Variants in PPP2R5C observed in about 807,000 individuals in gnomAD.
PPP2R5C encodes the protein serine/threonine-protein phosphatase 2A 56 kDa regulatory subunit gamma isoform.
PPP2R5C carries 7 observed loss-of-function variants against 68.9 expected under a neutral mutation model. The ratio of observed to expected loss-of-function variants is 0.10; its 90% CI spans 0.06 to 0.19. PPP2R5C has a LOEUF of 0.19. Among genes scored for constraint, PPP2R5C ranks in the 10% least tolerant of loss-of-function variants. The probability of loss-of-function intolerance (pLI) is 1.00; values close to 1 mark genes in which losing one functional copy is unlikely to be tolerated. For synonymous variants in PPP2R5C, 210 were observed against 222.2 expected (o/e 0.95, Z 0.49); for missense variants, 348 against 641.3 (o/e 0.54, Z 4.94).
At chr14:101,894,909 A>G (rs2045208611) in intron 8 of PPP2R5C, among the ~76,000 whole-genome samples, 1 of 152,210 alleles carries the variant, frequency 6.6e-6, no homozygotes, top group Admixed American at 6.5e-5. Context: ...TATTGAACTG[A>G]TTATGATCAG....
chr14:101,830,934 C>T (rs1234652585), intron 1 of PPP2R5C, among the ~76,000 whole-genome samples: 2 of 152,324 alleles, frequency 1.3e-5, no homozygotes, highest in Admixed American at 6.5e-5. Flanking sequence ...GTTACCGTCA[C>T]GGCAGCATTT....
chr14:101,844,058 C>G (rs558975734), intron 1 of PPP2R5C: 2 of 153,248 alleles, frequency 1.3e-5, no homozygotes, highest in East Asian at 3.8e-4. Context: ...ATCCTTTGCC[C>G]CTACGATCAT....
chr14:101,925,221 C>T, exon 14 of PPP2R5C: 1 of 1,613,934 alleles, frequency 6.2e-7, no homozygotes, highest in Non-Finnish European at 8.5e-7. Context: ...CCAAGAAAGC[C>T]TTGGAAGCTC....
At chr14:101,885,186 G>A (rs2044414766) in intron 5 of PPP2R5C, among the ~76,000 whole-genome samples, 1 of 152,230 alleles carries the variant, frequency 6.6e-6, no homozygotes, top group Non-Finnish European at 1.5e-5. Context: ...GGGGCCAGGT[G>A]TCAGCCACGC....
chr14:101,898,622 G>A (rs2045500635), intron 8 of PPP2R5C, among the ~76,000 whole-genome samples: 1 of 152,128 alleles, frequency 6.6e-6, no homozygotes, highest in Non-Finnish European at 1.5e-5. Context: ...AATGTTACAT[G>A]CAGGACTCTG....
chr14:101,879,425 C>G lies in PPP2R5C; in HGVS notation c.295-2736C>G, dbSNP rs1707733940. 1.3e-5 allele frequency: 2 copies of G among 152,920 alleles called. No individual in the cohort carries two copies. The highest frequency in any genetic ancestry group is 2.4e-5 in the African/African-American group (1 of 41,476). 9.5% of individuals were successfully genotyped at this position (152,920 alleles called of 1,614,324 possible). On this transcript the variant is annotated intron_variant, in intron 2 of 13. Transcript: ENST00000334743. This position sits in a 1 kb window ranked among gnomAD's most constrained non-coding sequence, Gnocchi z 4.2. ...GCGGCGTGGCCCTACGGCTCCTGCT[C>G]TGGCCTCTGTATCCCTGATGGGCAG...
intron 1 of PPP2R5C, among the ~76,000 whole-genome samples, chr14:101,829,012 ATG>A (rs2040570839): frequency 6.6e-6 from 1 of 152,172 alleles, no homozygotes; most frequent in South Asian, 2.1e-4. Context: ...CTCAAAAACT[ATG>A]TTTTCCAACT....
intron 2 of PPP2R5C, among the ~76,000 whole-genome samples, chr14:101,782,018 T>C (rs1429403072): frequency 1.3e-5 from 2 of 149,340 alleles, no homozygotes; most frequent in African/African-American, 4.9e-5. Context: ...CTTCTCTCCC[T>C]GTGTGCCTCC....
At position 101,882,653 on chromosome 14, in the gene PPP2R5C, G is replaced by C. The variant is rs866521095; in HGVS notation, c.405+382G>C. On this transcript the variant is annotated intron_variant, in intron 3 of 13. Coordinates refer to ENST00000334743, the Ensembl canonical transcript of PPP2R5C. The surrounding 1 kb of genome is among the most constrained non-coding windows in gnomAD (Gnocchi z 4.9). ...GCCACTGCCTTTCCCCAGGGCATTTGTAAGGCAGAAGGTTGGTTGGCAAGG... is the reference window on the plus strand; with the variant it reads ...GCCACTGCCTTTCCCCAGGGCATTTCTAAGGCAGAAGGTTGGTTGGCAAGG... The C allele has an allele frequency of 5.9e-6, 1 of 170,536 alleles. No homozygotes were observed. The highest frequency in any genetic ancestry group is 1.7e-4 in the South Asian group (1 of 5,744). 10.6% of individuals were successfully genotyped at this position (170,536 alleles called of 1,614,324 possible).
chr14:101,847,693 A>C (rs1395406215), intron 1 of PPP2R5C, among the ~76,000 whole-genome samples: 2 of 124,436 alleles, frequency 1.6e-5, no homozygotes, highest in East Asian at 4.5e-4. Flanking sequence ...CCTGAGACGG[A>C]GTCTCTATCG....
intron 5 of PPP2R5C, among the ~76,000 whole-genome samples, chr14:101,889,388 G>A (rs916166328): frequency 1.8e-4 from 28 of 152,108 alleles, no homozygotes; most frequent in Non-Finnish European, 3.4e-4. Context: ...AGCCCTTTGC[G>A]GGGAGGACAT....
chr14:101,771,738 C>CA (rs913887146), intron 2 of PPP2R5C, among the ~76,000 whole-genome samples: 5 of 151,954 alleles, frequency 3.3e-5, no homozygotes, highest in African/African-American at 1.2e-4. Context: ...TCAACAACAA[C>CA]ACAAAAATGG....
intron 8 of PPP2R5C, among the ~76,000 whole-genome samples, chr14:101,896,939 T>A (rs906130088): frequency 6.6e-6 from 1 of 152,232 alleles, no homozygotes; most frequent in African/African-American, 2.4e-5. Context: ...TTTTGGGCTC[T>A]GCTTTCTTGT....
chr14:101,769,417 G>T (rs1241198987), intron 2 of PPP2R5C, among the ~76,000 whole-genome samples: 1 of 152,074 alleles, frequency 6.6e-6, no homozygotes, highest in Non-Finnish European at 1.5e-5. Context: ...GTATTGAGTT[G>T]GTGGGTTTTA....
intron 1 of PPP2R5C, among the ~76,000 whole-genome samples, chr14:101,853,199 A>G (rs1040372992): frequency 6.6e-6 from 1 of 152,180 alleles, no homozygotes; most frequent in Non-Finnish European, 1.5e-5. Context: ...CCAAGGATGC[A>G]GTTTTTTACT....
chr14:101,807,198 A>G (rs1173090765), upstream of PPP2R5C, among the ~76,000 whole-genome samples: 2 of 152,202 alleles, frequency 1.3e-5, no homozygotes, highest in Admixed American at 6.5e-5. Flanking sequence ...TTTTTTCTGC[A>G]TATAGTTAAT....
chr14:101,840,946 C>T (rs2041433469), intron 1 of PPP2R5C, among the ~76,000 whole-genome samples: 1 of 152,128 alleles, frequency 6.6e-6, no homozygotes, highest in Non-Finnish European at 1.5e-5. Flanking sequence ...GCTTCTGTTA[C>T]CATCAGGAGA....
At chr14:101,886,280 CA>C (rs57167968) in intron 5 of PPP2R5C, among the ~76,000 whole-genome samples, 38,315 of 103,842 alleles carry the variant, frequency 0.37, 7,301 homozygotes, top group African/African-American at 0.63. Flanking sequence ...GACTCCGTCT[CA>C]AAAAAAAAAA....
chr14:101,912,406 A>G, exon 12 of PPP2R5C: 1 of 1,598,110 alleles, frequency 6.3e-7, no homozygotes, highest in African/African-American at 1.4e-5. Flanking sequence ...TTCAGAGAGA[A>G]GCTAAAAATG....
Sources: allele counts gnomAD v4.1 joint callset (sites outside exome capture counted in the v4.1 genomes callset), GRCh38; gene constraint gnomAD v4.1.1; non-coding constraint Gnocchi (gnomAD v3.1); transcripts MANE v1.5; gene names NCBI Gene and HGNC (gene_info 2026-07-23, HGNC 2026-07-21).